The following AFF3 variants were observed in gnomAD, a reference collection of about 807,000 sequenced individuals.
AFF3 encodes AF4/FMR2 family member 3.
AFF3 carries 32 observed loss-of-function variants against 129.7 expected under a neutral mutation model. That is an observed-to-expected ratio of 0.25 (90% CI 0.19 to 0.33). AFF3 has a LOEUF of 0.33. Among genes scored for constraint, AFF3 ranks in the 10% least tolerant of loss-of-function variants. AFF3 has a pLI of 1.00. For synonymous variants in AFF3, 644 were observed against 635.4 expected (o/e 1.01, Z -0.20); for missense variants, 1,373 against 1,592.0 (o/e 0.86, Z 2.34).
intron 9 of AFF3, among the ~76,000 whole-genome samples, chr2:99,752,000 A>G (rs1439370625): frequency 6.6e-6 from 1 of 152,248 alleles, no homozygotes; most frequent in Non-Finnish European, 1.5e-5. Context: ...TTACAGTAGT[A>G]TCACATTTTG....
chr2:99,901,348 C>T (rs1330402668), intron 7 of AFF3, among the ~76,000 whole-genome samples: 1 of 152,208 alleles, frequency 6.6e-6, no homozygotes, highest in Admixed American at 6.5e-5. Flanking sequence ...ATCACTGCAG[C>T]TTTGTCTGGG....
intron 7 of AFF3, among the ~76,000 whole-genome samples, chr2:100,004,937 C>T (rs1681825808): frequency 6.6e-6 from 1 of 151,934 alleles, no homozygotes; most frequent in African/African-American, 2.4e-5. Flanking sequence ...CAAAGCATGA[C>T]TGGCCTTTTT....
intron 7 of AFF3, among the ~76,000 whole-genome samples, chr2:99,981,923 T>C (rs1027190079): frequency 1.3e-5 from 2 of 152,208 alleles, no homozygotes; most frequent in Middle Eastern, 3.2e-3. Context: ...TACTAGAGTC[T>C]TTTTTAAAAA....
chr2:100,005,103 C>G (rs1559049034), intron 7 of AFF3, among the ~76,000 whole-genome samples: 1 of 152,130 alleles, frequency 6.6e-6, no homozygotes, highest in African/African-American at 2.4e-5. Context: ...TAACCAGACA[C>G]CATACACAGC....
At chr2:99,572,293 A>T (rs866091027) in intron 18 of AFF3, among the ~76,000 whole-genome samples, 1 of 43,192 alleles carries the variant, frequency 2.3e-5, no homozygotes, top group East Asian at 8.1e-4. Context: ...CCCTCCCACC[A>T]CCCCCCCCCC....
intron 13 of AFF3, among the ~76,000 whole-genome samples, chr2:99,608,308 G>A (rs1261397576): frequency 6.6e-6 from 1 of 152,086 alleles, no homozygotes; most frequent in Non-Finnish European, 1.5e-5. Flanking sequence ...CTCTGTAAAG[G>A]TTTTCCCAGC....
At position 99,594,009 on chromosome 2, in the gene AFF3, G is replaced by A. The variant is rs1210825632; in HGVS notation, c.1652C>T (p.Pro551Leu). 3 of 1,572,312 alleles carry A rather than the reference G, an allele frequency of 1.9e-6. No homozygotes were observed. The highest frequency in any genetic ancestry group is 2.6e-6 in the Non-Finnish European group (3 of 1,158,730). Residue 551 changes from proline to leucine, a missense_variant, in exon 15 of 25, where the codon CCC becomes CTC. Transcript: ENST00000672756. The part of the protein sequence containing the change: ...GSKGVKQKSP[P>L]AAVAVAVSAA... ...GCTCACCGCCACGGCCACGGCCGCG[G>A]GCGGGGACTTCTGCTTCACGCCTTT...
chr2:99,707,333 T>C, intron 11 of AFF3: 4 of 985,036 alleles, frequency 4.1e-6, no homozygotes, highest in Non-Finnish European at 3.6e-6. Context: ...ATCTTGAAGC[T>C]GTCAGTTAAT....
intron 9 of AFF3, among the ~76,000 whole-genome samples, chr2:99,748,228 C>G (rs1418718586): frequency 1.3e-5 from 2 of 152,174 alleles, no homozygotes; most frequent in Non-Finnish European, 2.9e-5. Context: ...GTCCTTTCCA[C>G]TTTTGTGTCT....
intron 13 of AFF3, among the ~76,000 whole-genome samples, chr2:99,602,220 C>T (rs1043784956): frequency 2.6e-5 from 4 of 152,120 alleles, no homozygotes; most frequent in African/African-American, 7.2e-5. Context: ...AGTGCTGTAG[C>T]GATTACAGGT....
chr2:99,550,006 T>C lies in AFF3; in HGVS notation c.*1468A>G, dbSNP rs1674297530. ...AGTAAGAGGCCACAAGGACATTATT[T>C]TTGTTTTTAACGTGTGGCAAGATAG... On this transcript the variant is annotated 3_prime_UTR_variant, in exon 25 of 25. Coordinates refer to ENST00000672756, the MANE Select transcript of AFF3 (RefSeq NM_001386135.1). The C allele has an allele frequency of 4.4e-6, 1 of 227,880 alleles. No homozygotes were observed. The highest frequency in any genetic ancestry group is 5.7e-5 in the Admixed American group (1 of 17,552). 14.1% of individuals were successfully genotyped at this position (227,880 alleles called of 1,614,324 possible). A position where few individuals can be genotyped will look rare whatever the true frequency, so the allele number is the denominator to read the frequency against.
intron 8 of AFF3, among the ~76,000 whole-genome samples, chr2:99,772,447 GA>G (rs1313822152): frequency 1.3e-5 from 2 of 152,194 alleles, no homozygotes; most frequent in African/African-American, 4.8e-5. Flanking sequence ...ACTTTACACA[GA>G]AATTGCCTGG....
At chr2:99,852,706 T>G (rs745648660) in intron 7 of AFF3, among the ~76,000 whole-genome samples, 1 of 152,186 alleles carries the variant, frequency 6.6e-6, no homozygotes, top group South Asian at 2.1e-4. Flanking sequence ...GACAAGTACT[T>G]GCAAACAAAG....
chr2:100,137,536 TAC>T (rs3038476), intron 1 of AFF3, among the ~76,000 whole-genome samples: 95 of 143,908 alleles, frequency 6.6e-4, no homozygotes, highest in Middle Eastern at 7.7e-3. Flanking sequence ...CACACGTGCA[TAC>T]ACACACACAC....
chr2:99,739,013 A>T (rs1229282436), intron 10 of AFF3, among the ~76,000 whole-genome samples: 8 of 138,344 alleles, frequency 5.8e-5, no homozygotes, highest in East Asian at 2.1e-4. Flanking sequence ...GAACTGTTCA[A>T]TTTTTTTTTT....
At chr2:100,013,637 T>G (rs191216909) in intron 4 of AFF3, among the ~76,000 whole-genome samples, 13 of 152,238 alleles carry the variant, frequency 8.5e-5, no homozygotes, top group Non-Finnish European at 1.5e-4. Context: ...GTAGTTAACA[T>G]GAGCCCCAGA....
Position 99,670,782 on chromosome 2 carries a change from G to A in AFF3, c.1143+1756C>T, listed in dbSNP as rs1329605413. On this transcript the variant is annotated intron_variant, in intron 12 of 24. Transcript: ENST00000672756. ...GTCTGGAGTCTTAATTAGGAAAAAG[G>A]GATTAATGTATAAAAATTATTCATT... 2.0e-5 allele frequency among the ~76,000 whole-genome samples: 3 copies of A among 152,184 alleles called. No homozygotes were observed. The East Asian group carries it at 5.8e-4, about 29-fold the overall frequency.
chr2:99,971,175 G>A (rs1215463054), intron 7 of AFF3, among the ~76,000 whole-genome samples: 1 of 152,008 alleles, frequency 6.6e-6, no homozygotes, highest in African/African-American at 2.4e-5. Flanking sequence ...AGGTCCTAGG[G>A]TTTTCCTCTG....
chr2:99,682,681 A>C (rs1009966685), intron 11 of AFF3, among the ~76,000 whole-genome samples: 2 of 152,204 alleles, frequency 1.3e-5, no homozygotes, highest in African/African-American at 4.8e-5. Context: ...TCCCCTTTGA[A>C]GCACTCCTTT....
Sources: allele counts gnomAD v4.1 joint callset (sites outside exome capture counted in the v4.1 genomes callset), GRCh38; gene constraint gnomAD v4.1.1; transcripts MANE v1.5; gene names NCBI Gene and HGNC (gene_info 2026-07-23, HGNC 2026-07-21).